Variants in ARMC8 observed in about 807,000 individuals in gnomAD.
The protein encoded by ARMC8 is armadillo repeat containing 8.
ARMC8 carries 20 observed loss-of-function variants against 99.3 expected under a neutral mutation model. The ratio of observed to expected loss-of-function variants is 0.20; its 90% CI spans 0.14 to 0.29. The LOEUF is 0.29. ARMC8 is among the 10% of genes least tolerant of loss of function. The pLI, the probability that ARMC8 is intolerant of heterozygous loss-of-function variation, is 1.00. For synonymous variants in ARMC8, 263 were observed against 278.3 expected (o/e 0.95, Z 0.55); for missense variants, 569 against 809.5 (o/e 0.70, Z 3.60).
chr3:138,263,355 A>G (rs2047939385), intron 12 of ARMC8, among the ~76,000 whole-genome samples: 1 of 152,226 alleles, frequency 6.6e-6, no homozygotes, highest in Non-Finnish European at 1.5e-5. Context: ...AGGGCTGAGC[A>G]TGGACTGTGA....
At chr3:138,190,527 G>A (rs1285818876) in intron 1 of ARMC8, among the ~76,000 whole-genome samples, 1 of 152,012 alleles carries the variant, frequency 6.6e-6, no homozygotes, top group Admixed American at 6.6e-5. Flanking sequence ...GACCTCAAGT[G>A]ATCCACCCAC....
chr3:138,262,334 T>C (rs1383165289), intron 12 of ARMC8: 15 of 593,294 alleles, frequency 2.5e-5, no homozygotes, highest in Non-Finnish European at 3.8e-5. Flanking sequence ...TAGATCAATA[T>C]GTAAATGTTT....
At chr3:138,275,948 A>G (rs1403139700) in intron 18 of ARMC8, among the ~76,000 whole-genome samples, 2 of 152,234 alleles carry the variant, frequency 1.3e-5, no homozygotes, top group African/African-American at 2.4e-5. Context: ...CTGAAACACA[A>G]CAATGAAGAA....
At chr3:138,255,766 G>A (rs1370047176) in intron 12 of ARMC8, among the ~76,000 whole-genome samples, 1 of 152,174 alleles carries the variant, frequency 6.6e-6, no homozygotes, top group Non-Finnish European at 1.5e-5. Context: ...GATCCCTTGA[G>A]GTCAGGAGCT....
chr3:138,278,000 A>G (rs2049472083), intron 18 of ARMC8, among the ~76,000 whole-genome samples: 1 of 152,244 alleles, frequency 6.6e-6, no homozygotes, highest in African/African-American at 2.4e-5. Context: ...GCCAGATACA[A>G]TACAAAAGGC....
chr3:138,297,277 C>T lies in ARMC8; in HGVS notation c.*1385C>T, dbSNP rs1308987462. ...CAAGTACTGTTAGCCTTTCTGCACC[C>T]CTTAGCTTGGCCCCTGCTCCAACTT... On this transcript the variant is annotated 3_prime_UTR_variant, in exon 22 of 22. Coordinates refer to ENST00000469044, the MANE Select transcript of ARMC8 (RefSeq NM_001363941.2). 1.3e-5 allele frequency: 2 copies of T among 152,200 alleles called. No homozygotes were observed. The highest frequency in any genetic ancestry group is 4.8e-5 in the African/African-American group (2 of 41,454). 9.4% of individuals were successfully genotyped at this position (152,200 alleles called of 1,614,324 possible). A position where few individuals can be genotyped will look rare whatever the true frequency, so the allele number is the denominator to read the frequency against.
chr3:138,285,918 C>CA (rs2050362678), intron 19 of ARMC8, among the ~76,000 whole-genome samples: 1 of 152,062 alleles, frequency 6.6e-6, no homozygotes, highest in African/African-American at 2.4e-5. Flanking sequence ...GAGACATACC[C>CA]ATTTCTCTGT....
At chr3:138,217,766 T>G (rs1364116232) in intron 2 of ARMC8, among the ~76,000 whole-genome samples, 1 of 151,272 alleles carries the variant, frequency 6.6e-6, no homozygotes, top group Non-Finnish European at 1.5e-5. Context: ...AAGGCTTACT[T>G]ATTCTTATCT....
intron 6 of ARMC8, among the ~76,000 whole-genome samples, chr3:138,230,266 T>C (rs773824771): frequency 6.6e-6 from 1 of 152,174 alleles, no homozygotes; most frequent in Non-Finnish European, 1.5e-5. Context: ...GCTGAATCCA[T>C]CAAGGGCTAG....
At chr3:138,288,957 A>G in intron 19 of ARMC8, 91 bp from the exon 20 acceptor site, 1 of 1,015,978 alleles carries the variant, frequency 9.8e-7, no homozygotes, top group Non-Finnish European at 1.5e-6. Context: ...CTTTTAGGTT[A>G]TAGGAATTGG....
At chr3:138,205,530 G>A (rs1342195033) in intron 1 of ARMC8, among the ~76,000 whole-genome samples, 2 of 152,278 alleles carry the variant, frequency 1.3e-5, no homozygotes, top group East Asian at 3.9e-4. Context: ...TGAAATAATA[G>A]CATTACCGGT....
At chr3:138,282,987 T>G (rs2050082921) in intron 18 of ARMC8, among the ~76,000 whole-genome samples, 2 of 152,236 alleles carry the variant, frequency 1.3e-5, no homozygotes, top group Admixed American at 6.5e-5. Flanking sequence ...ATCTGACACC[T>G]TCTCCAGATC....
chr3:138,244,926 G>A (rs2046812822), intron 11 of ARMC8, among the ~76,000 whole-genome samples, 162 bp from the exon 12 acceptor site: 1 of 152,204 alleles, frequency 6.6e-6, no homozygotes, highest in Non-Finnish European at 1.5e-5. Flanking sequence ...AAGTCTCAGT[G>A]CTATGTGAAC....
At chr3:138,188,857 G>C (rs2043221679) in intron 1 of ARMC8, among the ~76,000 whole-genome samples, 1 of 152,014 alleles carries the variant, frequency 6.6e-6, no homozygotes, top group South Asian at 2.1e-4. Flanking sequence ...TTTTTCCCCT[G>C]ATCCATTTTA....
At chr3:138,232,433 T>C (rs559756324) in intron 6 of ARMC8, among the ~76,000 whole-genome samples, 2 of 152,006 alleles carry the variant, frequency 1.3e-5, no homozygotes, top group East Asian at 3.9e-4. Context: ...ATAGAGAGAA[T>C]TGCAGTGTGC....
intron 2 of ARMC8, among the ~76,000 whole-genome samples, chr3:138,217,237 A>G (rs2045108554): frequency 6.6e-6 from 1 of 152,160 alleles, no homozygotes; most frequent in African/African-American, 2.4e-5. Context: ...CATGACTGTA[A>G]TTGATTTTTT....
chr3:138,270,805 A>G (rs1052069544), intron 16 of ARMC8, among the ~76,000 whole-genome samples: 1 of 152,212 alleles, frequency 6.6e-6, no homozygotes, highest in Non-Finnish European at 1.5e-5. Context: ...TTGAGGTTAG[A>G]GAACCATTTC....
At chr3:138,220,106 A>G (rs542878866) in intron 2 of ARMC8, among the ~76,000 whole-genome samples, 1 of 152,332 alleles carries the variant, frequency 6.6e-6, no homozygotes, top group Non-Finnish European at 1.5e-5. Context: ...GAACACATTA[A>G]GAGAAAGGAA....
At chr3:138,210,024 G>A in intron 2 of ARMC8, 131 bp downstream of exon 2, 1 of 565,954 alleles carries the variant, frequency 1.8e-6, no homozygotes, top group Non-Finnish European at 3.1e-6. Flanking sequence ...TAGAAAGACT[G>A]CTTGACATTC....
Sources: allele counts gnomAD v4.1 joint callset (sites outside exome capture counted in the v4.1 genomes callset), GRCh38; gene constraint gnomAD v4.1.1; transcripts MANE v1.5; gene names NCBI Gene and HGNC (gene_info 2026-07-23, HGNC 2026-07-21).